The following TMTC2 variants were observed in gnomAD, a reference collection of about 807,000 sequenced individuals.
The protein encoded by TMTC2 is protein O-mannosyl-transferase TMTC2.
In TMTC2, 43 loss-of-function variants were observed where a neutral mutation model predicts 82.4. That is an observed-to-expected ratio of 0.52 (90% CI 0.41 to 0.67). The LOEUF (loss-of-function observed/expected upper bound fraction) is 0.67. TMTC2 is among the 30% of genes least tolerant of loss of function. The probability of loss-of-function intolerance (pLI) is 0.00; values close to 1 mark genes in which losing one functional copy is unlikely to be tolerated. For synonymous variants in TMTC2, 408 were observed against 381.9 expected, an observed-to-expected ratio of 1.07 and a Z score of -0.80; for missense variants, 919 against 1,012.4, an observed-to-expected ratio of 0.91 and a Z score of 1.25.
chr12:82,941,513 G>A (rs1034572860), intron 4 of TMTC2, among the ~76,000 whole-genome samples: 1 of 152,194 alleles, frequency 6.6e-6, no homozygotes, highest in African/African-American at 2.4e-5. Flanking sequence ...AATCAACAGA[G>A]TTCAAGTTTG....
At chr12:82,937,788 A>ACATATATATATATATATATATATATGTT (rs1876457359) in intron 4 of TMTC2, among the ~76,000 whole-genome samples, 1 of 22,194 alleles carries the variant, frequency 4.5e-5, no homozygotes, top group Non-Finnish European at 1.0e-4. Flanking sequence ...ATATATATAT[A>ACATATATATATATATATATATATATGTT]TATATATACA....
chr12:82,916,726 A>T (rs1386071458), intron 3 of TMTC2, among the ~76,000 whole-genome samples: 2 of 139,324 alleles, frequency 1.4e-5, no homozygotes, highest in African/African-American at 5.5e-5. Context: ...AACAGTGTTA[A>T]TATATTATTG....
rs533899611 is a variant in TMTC2 at position 82,900,627 on chromosome 12, A to AAT, written c.1483+3989_1483+3990dup. Among the ~76,000 whole-genome samples, 56 of 127,062 alleles carry AAT rather than the reference A, an allele frequency of 4.4e-4. No homozygotes were observed. The East Asian group carries it at 5.4e-3, about 12-fold the overall frequency. 83.4% of individuals were successfully genotyped at this position (127,062 alleles called of 152,430 possible). On this transcript the variant is annotated intron_variant, in intron 3 of 11. Coordinates refer to ENST00000321196, the MANE Select transcript of TMTC2 (RefSeq NM_152588.3). ...ATATATAGGAATATATATAGAGAGG[A>AAT]ATATATATAGGAATATATATCTCTG...
intron 7 of TMTC2, among the ~76,000 whole-genome samples, chr12:82,975,346 T>A (rs2137319439): frequency 6.6e-6 from 1 of 152,286 alleles, no homozygotes; most frequent in South Asian, 2.1e-4. Context: ...AGCTGTCATT[T>A]AGTTTTAATT....
intron 8 of TMTC2, among the ~76,000 whole-genome samples, chr12:82,994,438 C>T (rs1879528816): frequency 7.1e-6 from 1 of 141,576 alleles, no homozygotes; most frequent in Admixed American, 6.9e-5. Context: ...CCGTCTCACA[C>T]ATTTATTGTT....
At chr12:82,764,334 C>T (rs568558207) in intron 1 of TMTC2, among the ~76,000 whole-genome samples, 120 of 152,252 alleles carry the variant, frequency 7.9e-4, no homozygotes, top group African/African-American at 2.7e-3. Context: ...GACAGGGTCT[C>T]GCTATGTTGG....
intron 1 of TMTC2, among the ~76,000 whole-genome samples, chr12:82,751,124 C>G (rs148426737): frequency 6.6e-6 from 1 of 152,244 alleles, no homozygotes; most frequent in Admixed American, 6.5e-5. Flanking sequence ...ATAGCAAAGA[C>G]TTGGAACCAA....
At chr12:82,714,860 A>C (rs1044583466) in intron 1 of TMTC2, among the ~76,000 whole-genome samples, 1 of 152,164 alleles carries the variant, frequency 6.6e-6, no homozygotes, top group Non-Finnish European at 1.5e-5. Flanking sequence ...TTTTTGGCTC[A>C]TGGGACTTGA....
chr12:82,744,312 A>G (rs889976777), intron 1 of TMTC2, among the ~76,000 whole-genome samples: 1 of 152,124 alleles, frequency 6.6e-6, no homozygotes, highest in Non-Finnish European at 1.5e-5. Context: ...AGTCCCAGCT[A>G]CTCGGGAGGC....
At chr12:83,033,906 A>C (rs1266964578) in intron 9 of TMTC2, among the ~76,000 whole-genome samples, 1 of 149,622 alleles carries the variant, frequency 6.7e-6, no homozygotes, top group East Asian at 2.0e-4. Flanking sequence ...ATATATATGT[A>C]TATATATCCT....
chr12:82,932,452 A>G (rs1876091608), intron 4 of TMTC2, among the ~76,000 whole-genome samples: 1 of 152,140 alleles, frequency 6.6e-6, no homozygotes, highest in African/African-American at 2.4e-5. Flanking sequence ...GTATCTTACC[A>G]TCATCTTTGC....
chr12:82,914,628 C>T (rs1874889184), intron 3 of TMTC2, among the ~76,000 whole-genome samples: 1 of 151,930 alleles, frequency 6.6e-6, no homozygotes, highest in Non-Finnish European at 1.5e-5. Flanking sequence ...GTAGCATGAG[C>T]ATAGATAATG....
intron 3 of TMTC2, among the ~76,000 whole-genome samples, chr12:82,903,780 A>G (rs1874156253): frequency 6.6e-6 from 1 of 152,250 alleles, no homozygotes; most frequent in African/African-American, 2.4e-5. Context: ...AAGCAAAGGC[A>G]TTCAGTAATG....
At chr12:83,005,569 C>A (rs928934873) in intron 8 of TMTC2, among the ~76,000 whole-genome samples, 3 of 152,172 alleles carry the variant, frequency 2.0e-5, no homozygotes, top group African/African-American at 4.8e-5. Flanking sequence ...TCTTACCCTG[C>A]TCCAACCACA....
rs144488641 is a variant in TMTC2, at chr12:83,028,529, C to A, written c.2071-2269C>A. On this transcript the variant is annotated intron_variant, in intron 8 of 11. Transcript: ENST00000321196. ...AGTTCGCTCTTTTGTGTTGTGTGTT[C>A]TATGAATTTGGGCAAGTGCTTAATG... Among the ~76,000 whole-genome samples, 5 of 152,168 alleles carry A rather than the reference C, an allele frequency of 3.3e-5. No individual in the cohort carries two copies. The East Asian group carries it at 9.7e-4, about 29-fold the overall frequency.
intron 11 of TMTC2, among the ~76,000 whole-genome samples, chr12:83,095,240 T>G (rs866239448): frequency 4.7e-5 from 7 of 150,260 alleles, no homozygotes; most frequent in East Asian, 2.0e-4. Context: ...GTTTTTTTTT[T>G]TGTTTTTTTT....
intron 2 of TMTC2, among the ~76,000 whole-genome samples, chr12:82,861,714 G>A (rs1194940962): frequency 6.6e-6 from 1 of 152,062 alleles, no homozygotes; most frequent in Non-Finnish European, 1.5e-5. Context: ...AAAATAATAT[G>A]GTTGAATGCT....
intron 1 of TMTC2, among the ~76,000 whole-genome samples, chr12:82,792,310 T>C (rs1262025481): frequency 6.6e-6 from 1 of 152,110 alleles, no homozygotes; most frequent in Non-Finnish European, 1.5e-5. Context: ...AATTTACCAT[T>C]TTAAAGTGTA....
intron 8 of TMTC2, among the ~76,000 whole-genome samples, chr12:82,999,682 T>C (rs1879829367): frequency 6.6e-6 from 1 of 152,022 alleles, no homozygotes; most frequent in Admixed American, 6.6e-5. Context: ...AACCATCATA[T>C]CTCATGAGAC....
Sources: gnomAD v4.1 joint callset for allele counts (sites outside exome capture counted in the v4.1 genomes callset) on GRCh38, gnomAD v4.1.1 for gene constraint, MANE v1.5 for transcripts, NCBI Gene and HGNC (gene_info 2026-07-23, HGNC 2026-07-21) for gene names.